PTPRJ: variants seen among roughly 807,000 people sequenced by gnomAD.
The protein encoded by PTPRJ is receptor-type tyrosine-protein phosphatase eta.
In PTPRJ, 129 loss-of-function variants were observed where a neutral mutation model predicts 141.3. That is an observed-to-expected ratio of 0.91 (90% CI 0.79 to 1.06). The LOEUF (loss-of-function observed/expected upper bound fraction) is 1.06. Ranked by LOEUF, PTPRJ falls within the 50% of genes least tolerant of loss-of-function variation. The pLI, the probability that PTPRJ is intolerant of heterozygous loss-of-function variation, is 0.00. For missense variants in PTPRJ, 1,601 were observed against 1,679.7 expected, an observed-to-expected ratio of 0.95 and a Z score of 0.82; for synonymous variants, 610 against 640.5, an observed-to-expected ratio of 0.95 and a Z score of 0.72.
intron 24 of PTPRJ, among the ~76,000 whole-genome samples, chr11:48,166,270 A>AAC (rs747197052): frequency 7.9e-4 from 118 of 150,002 alleles, no homozygotes; most frequent in East Asian, 2.2e-3. Context: ...TACATCTGTA[A>AAC]ACACACACAC....
At chr11:48,160,088 A>G in intron 22 of PTPRJ, 39 bp downstream of exon 22, 1 of 1,604,234 alleles carries the variant, frequency 6.2e-7, no homozygotes. Flanking sequence ...TCATGTAATT[A>G]CCATATGTTA....
intron 1 of PTPRJ, among the ~76,000 whole-genome samples, chr11:48,020,581 G>A (rs980334170): frequency 6.6e-6 from 1 of 152,194 alleles, no homozygotes; most frequent in African/African-American, 2.4e-5. Flanking sequence ...CGGGGGCAGA[G>A]TGAAGGCTCA....
chr11:48,132,445 T>G, intron 8 of PTPRJ: 1 of 983,518 alleles, frequency 1.0e-6, no homozygotes, highest in Non-Finnish European at 1.2e-6. Flanking sequence ...TGGGAAATCC[T>G]AGAGAGTAAT....
intron 1 of PTPRJ, among the ~76,000 whole-genome samples, chr11:48,104,790 G>A (rs1321190418): frequency 1.3e-5 from 2 of 152,188 alleles, no homozygotes; most frequent in Admixed American, 1.3e-4. Flanking sequence ...CTGCCTTTGG[G>A]TTTCATGGTC....
intron 1 of PTPRJ, among the ~76,000 whole-genome samples, chr11:48,027,774 G>T (rs1014799786): frequency 3.7e-5 from 4 of 107,644 alleles, no homozygotes; most frequent in Non-Finnish European, 6.8e-5. Context: ...CTGGGCAACA[G>T]AGTGAGACTC....
chr11:48,074,462 A>G (rs1565289505), intron 1 of PTPRJ, among the ~76,000 whole-genome samples: 1 of 152,342 alleles, frequency 6.6e-6, no homozygotes, highest in East Asian at 1.9e-4. Flanking sequence ...TTTAGATTCT[A>G]GGCAACGATG....
intron 11 of PTPRJ, among the ~76,000 whole-genome samples, chr11:48,140,927 C>T (rs1857216845): frequency 6.6e-6 from 1 of 152,234 alleles, no homozygotes; most frequent in Non-Finnish European, 1.5e-5. Flanking sequence ...GGTCACCTCT[C>T]AGGGGCTTGG....
rs547097416 is a variant in PTPRJ at position 48,110,050 on chromosome 11, T to C, written c.97-8T>C. On this transcript the variant is annotated splice_polypyrimidine_tract_variant and splice_region_variant and intron_variant, in intron 1 of 24. Transcript: ENST00000418331. ...TCTGCTGACTTCCGTTTTCTTTTTC[T>C]GTTTCAGATCCTGTGCGCAGGTGGC... 1.9e-6 allele frequency: 3 copies of C among 1,614,106 alleles called. No individual in the cohort carries two copies. Among genetic ancestry groups the C allele is most frequent in the Non-Finnish European group, 2.5e-6 (3 of 1,179,918 alleles).
At chr11:47,990,201 T>C (rs1050265904) in intron 1 of PTPRJ, among the ~76,000 whole-genome samples, 23 of 152,104 alleles carry the variant, frequency 1.5e-4, no homozygotes, top group Non-Finnish European at 3.4e-4. Flanking sequence ...GTTACAGCTA[T>C]AGGTGCAGGC....
chr11:48,051,084 C>CT (rs59987198), intron 1 of PTPRJ, among the ~76,000 whole-genome samples: 3,470 of 79,272 alleles, frequency 0.044, 1,102 homozygotes, highest in African/African-American at 0.086. Context: ...TAACTGATGA[C>CT]TTTTTTTTTT....
intron 1 of PTPRJ, among the ~76,000 whole-genome samples, chr11:47,992,849 G>GTGTGT (rs547833857): frequency 2.8e-4 from 43 of 152,260 alleles, no homozygotes; most frequent in African/African-American, 9.1e-4. Flanking sequence ...GTGCGCACGT[G>GTGTGT]TGTGTGGTGT....
chr11:48,057,515 G>A (rs959767859), intron 1 of PTPRJ, among the ~76,000 whole-genome samples: 3 of 152,144 alleles, frequency 2.0e-5, no homozygotes, highest in African/African-American at 7.2e-5. Flanking sequence ...TACCAGGCCA[G>A]TCACGGGCAG....
chr11:48,085,105 C>T (rs1473795270), intron 1 of PTPRJ, among the ~76,000 whole-genome samples: 1 of 152,130 alleles, frequency 6.6e-6, no homozygotes, highest in African/African-American at 2.4e-5. Context: ...AGAAAATACT[C>T]CCTTTCTCAA....
intron 1 of PTPRJ, among the ~76,000 whole-genome samples, chr11:48,067,429 C>A (rs544467795): frequency 1.3e-5 from 2 of 152,322 alleles, no homozygotes; most frequent in South Asian, 4.1e-4. Flanking sequence ...ATAGGATGTG[C>A]TTTCACTCTT....
intron 1 of PTPRJ, among the ~76,000 whole-genome samples, chr11:48,083,100 C>T (rs775717451): frequency 1.3e-5 from 2 of 152,176 alleles, no homozygotes; most frequent in Non-Finnish European, 2.9e-5. Context: ...CCTCTTCCAC[C>T]ACCCTGTGTC....
intron 1 of PTPRJ, among the ~76,000 whole-genome samples, chr11:47,990,809 G>A (rs577675822): frequency 1.4e-3 from 214 of 151,040 alleles, no homozygotes; most frequent in Middle Eastern, 0.01. Context: ...CCTCAGCCTG[G>A]CTGGGACTAT....
At chr11:48,151,252 C>T (rs74655605) in intron 18 of PTPRJ, among the ~76,000 whole-genome samples, 152 of 152,096 alleles carry the variant, frequency 1.0e-3, no homozygotes, top group African/African-American at 3.2e-3. Context: ...CCTTCCTTGC[C>T]TCCGCAGCTT....
chr11:48,088,899 A>C (rs1170026714), intron 1 of PTPRJ, among the ~76,000 whole-genome samples: 1 of 152,140 alleles, frequency 6.6e-6, no homozygotes, highest in East Asian at 1.9e-4. Flanking sequence ...AAGGAAACGC[A>C]TGTTGTATTG....
At chr11:48,076,326 G>A (rs890575159) in intron 1 of PTPRJ, among the ~76,000 whole-genome samples, 4 of 148,850 alleles carry the variant, frequency 2.7e-5, no homozygotes, top group African/African-American at 1.0e-4. Flanking sequence ...ATTAGAGTTT[G>A]TTTTTTTGTC....
Sources: gnomAD v4.1 joint callset for allele counts (sites outside exome capture counted in the v4.1 genomes callset) on GRCh38, gnomAD v4.1.1 for gene constraint, MANE v1.5 for transcripts, NCBI Gene and HGNC (gene_info 2026-07-23, HGNC 2026-07-21) for gene names.